METTL25: variants seen among roughly 807,000 people sequenced by gnomAD.
METTL25 encodes methyltransferase like 25.
Under a neutral mutation model 71.6 loss-of-function variants are expected in METTL25, and 64 were observed. The observed-to-expected ratio is 0.89, with a 90% CI of 0.73 to 1.10. The LOEUF (loss-of-function observed/expected upper bound fraction) is 1.10. Ranked by LOEUF, METTL25 falls within the 50% of genes least tolerant of loss-of-function variation. METTL25 has a pLI of 0.00. For missense variants in METTL25, 807 were observed against 707.0 expected (o/e 1.14, Z -1.60); for synonymous variants, 287 against 250.3 (o/e 1.15, Z -1.38).
At chr12:82,434,542 T>C (rs146371338) in intron 6 of METTL25, among the ~76,000 whole-genome samples, 153 bp from the exon 7 acceptor site, 1 of 151,696 alleles carries the variant, frequency 6.6e-6, no homozygotes, top group African/African-American at 2.4e-5. Flanking sequence ...TTAACATTCT[T>C]TAATGATATT....
chr12:82,436,647 A>T (rs536359622), intron 7 of METTL25, among the ~76,000 whole-genome samples: 2 of 151,546 alleles, frequency 1.3e-5, no homozygotes, highest in African/African-American at 4.8e-5. Context: ...CTGTGCATTC[A>T]TTTTTTTATG....
chr12:82,423,297 A>C (rs1291957950), intron 5 of METTL25, among the ~76,000 whole-genome samples: 1 of 152,118 alleles, frequency 6.6e-6, no homozygotes, highest in African/African-American at 2.4e-5. Flanking sequence ...GGGGAAAGCA[A>C]TCCCTGTTTA....
In METTL25 at chr12:82,456,814, GTCCAAGGTCAGTATA is replaced by G; in HGVS notation, c.1568_1572+10del. The G allele has an allele frequency of 6.5e-7, 1 of 1,537,474 alleles. No homozygotes were observed. The highest frequency in any genetic ancestry group is 8.9e-7 in the Non-Finnish European group (1 of 1,124,938). On this transcript the variant is annotated splice_donor_variant and splice_donor_5th_base_variant and coding_sequence_variant and intron_variant, in exon 9 of 12. Coordinates refer to ENST00000248306, the MANE Select transcript of METTL25 (RefSeq NM_032230.3). LOFTEE classifies it high-confidence loss of function. ...CTCTAAAGAAGCTTGGATTAGATGA[GTCCAAGGTCAGTATA>G]TGATGACTCATTATTTTCAGAAAAG...
intron 8 of METTL25, among the ~76,000 whole-genome samples, chr12:82,452,993 G>A (rs1355180811): frequency 3.3e-5 from 5 of 151,974 alleles, no homozygotes; most frequent in African/African-American, 9.7e-5. Context: ...CTACACTATC[G>A]TGCATATACA....
intron 10 of METTL25, 40 bp from the exon 11 acceptor site, chr12:82,477,241 T>G: frequency 1.1e-6 from 1 of 900,100 alleles, no homozygotes; most frequent in Non-Finnish European, 1.7e-6. Context: ...CTTTTTTTTT[T>G]AAGTACCACC....
At chr12:82,432,040 A>G (rs1350785925) in intron 6 of METTL25, among the ~76,000 whole-genome samples, 2 of 151,724 alleles carry the variant, frequency 1.3e-5, no homozygotes, top group African/African-American at 4.8e-5. Flanking sequence ...CTGTCTATAT[A>G]TATATAAACA....
intron 9 of METTL25, among the ~76,000 whole-genome samples, chr12:82,457,980 T>G (rs957838324): frequency 1.3e-5 from 2 of 152,156 alleles, no homozygotes; most frequent in African/African-American, 4.8e-5. Flanking sequence ...TCATTTCATG[T>G]CTTGCATTTA....
intron 5 of METTL25, among the ~76,000 whole-genome samples, chr12:82,405,988 T>A (rs1887055690): frequency 6.6e-6 from 1 of 152,214 alleles, no homozygotes; most frequent in African/African-American, 2.4e-5. Flanking sequence ...CAAACATTTA[T>A]TGAGCAGCTA....
intron 5 of METTL25, among the ~76,000 whole-genome samples, chr12:82,426,376 T>G (rs1889015042): frequency 6.6e-6 from 1 of 152,044 alleles, no homozygotes; most frequent in Non-Finnish European, 1.5e-5. Context: ...AGTGATGTGT[T>G]TTCCTGTAGC....
At chr12:82,445,455 G>A (rs1490486902) in intron 8 of METTL25, among the ~76,000 whole-genome samples, 1 of 151,840 alleles carries the variant, frequency 6.6e-6, no homozygotes, top group African/African-American at 2.4e-5. Flanking sequence ...CCTCTTATTA[G>A]CATTGTATTG....
intron 1 of METTL25, among the ~76,000 whole-genome samples, chr12:82,384,058 T>C (rs1312933495): frequency 1.3e-5 from 2 of 152,110 alleles, no homozygotes; most frequent in Non-Finnish European, 2.9e-5. Context: ...GTAAAGATGA[T>C]AAGTAAAGCA....
intron 9 of METTL25, among the ~76,000 whole-genome samples, chr12:82,465,911 A>G (rs947579471): frequency 4.0e-5 from 6 of 149,136 alleles, no homozygotes; most frequent in African/African-American, 1.5e-4. Flanking sequence ...GTAGTTTCTA[A>G]TGAGTCTTTA....
In METTL25 at chr12:82,456,814, G is replaced by A. The variant is rs771143085; in HGVS notation, c.1566G>A (p.Glu522=). ...RRSLKKLGLD[E]SKLPEKIIMN... is the part of the protein sequence containing the mutation. The stretch of plus-strand genomic sequence containing the variant: ...CTCTAAAGAAGCTTGGATTAGATGA[G>A]TCCAAGGTCAGTATATGATGACTCA... The change falls in exon 9 of 12, where the codon GAG becomes GAA. Residue 522 remains glutamate (E), a synonymous_variant. Transcript: ENST00000248306. 4 of 1,537,474 alleles carry A rather than the reference G, an allele frequency of 2.6e-6. No individual in the cohort carries two copies. In the African/African-American group the frequency reaches 4.1e-5, roughly 16 times the overall value.
chr12:82,419,125 A>G (rs1888240622), intron 5 of METTL25, among the ~76,000 whole-genome samples: 1 of 152,138 alleles, frequency 6.6e-6, no homozygotes, highest in Admixed American at 6.6e-5. Context: ...CCCAGATGCT[A>G]TTAAGAAAAC....
At chr12:82,477,627 G>T (rs1034709854) in intron 11 of METTL25, among the ~76,000 whole-genome samples, 58 of 151,806 alleles carry the variant, frequency 3.8e-4, no homozygotes, top group African/African-American at 1.3e-3. Context: ...TGCTATATAT[G>T]AAATATTGTA....
At chr12:82,464,427 C>G (rs935236784) in intron 9 of METTL25, among the ~76,000 whole-genome samples, 2 of 151,698 alleles carry the variant, frequency 1.3e-5, no homozygotes, top group African/African-American at 4.8e-5. Context: ...ACTGCAGACA[C>G]ATGGATTTAT....
At chr12:82,433,023 G>A (rs1310944411) in intron 6 of METTL25, among the ~76,000 whole-genome samples, 1 of 151,554 alleles carries the variant, frequency 6.6e-6, no homozygotes, top group Non-Finnish European at 1.5e-5. Context: ...TTCCAGAGTA[G>A]CATGAAATGA....
chr12:82,409,326 T>C (rs1385691604), intron 5 of METTL25, among the ~76,000 whole-genome samples: 2 of 152,010 alleles, frequency 1.3e-5, no homozygotes. Flanking sequence ...CTTTATAGAG[T>C]GTCTGTTTGG....
chr12:82,455,403 C>T (rs1745963436), intron 8 of METTL25, among the ~76,000 whole-genome samples: 2 of 151,738 alleles, frequency 1.3e-5, no homozygotes, highest in South Asian at 2.1e-4. Context: ...TATTTTCTGC[C>T]TTCTGGAACC....
Sources: allele counts gnomAD v4.1 joint callset (sites outside exome capture counted in the v4.1 genomes callset), GRCh38; gene constraint gnomAD v4.1.1; transcripts MANE v1.5; gene names NCBI Gene and HGNC (gene_info 2026-07-23, HGNC 2026-07-21).